PRORP: variants seen among roughly 807,000 people sequenced by gnomAD.
The protein encoded by PRORP is mitochondrial ribonuclease P catalytic subunit.
A neutral mutation model predicts 59.4 loss-of-function variants in PRORP; 51 were observed. That is an observed-to-expected ratio of 0.86 (90% CI 0.69 to 1.08). The LOEUF is 1.08. Among genes scored for constraint, PRORP ranks in the 50% least tolerant of loss-of-function variants. The pLI is 0.00. For missense variants in PRORP, 646 were observed against 690.3 expected (o/e 0.94, Z 0.72); for synonymous variants, 231 against 245.6 (o/e 0.94, Z 0.55).
intron 4 of PRORP, among the ~76,000 whole-genome samples, chr14:35,135,103 C>T (rs142759670): frequency 1.0e-3 from 157 of 152,308 alleles, no homozygotes; most frequent in East Asian, 1.3e-3. Flanking sequence ...AATTGCTGCA[C>T]TCTCCCTCTC....
intron 5 of PRORP, among the ~76,000 whole-genome samples, chr14:35,262,029 A>G (rs2050917548): frequency 6.6e-6 from 1 of 152,186 alleles, no homozygotes; most frequent in East Asian, 1.9e-4. Context: ...TTAATGTACT[A>G]TTAGTAAACT....
At chr14:35,160,322 C>G (rs1206722204) in intron 4 of PRORP, among the ~76,000 whole-genome samples, 1 of 152,204 alleles carries the variant, frequency 6.6e-6, no homozygotes, top group Non-Finnish European at 1.5e-5. Context: ...TTTCTGCTTT[C>G]CACTTGGATA....
intron 5 of PRORP, among the ~76,000 whole-genome samples, chr14:35,191,564 G>A (rs1239763863): frequency 6.6e-6 from 1 of 152,054 alleles, no homozygotes; most frequent in South Asian, 2.1e-4. Flanking sequence ...TTAGCTGGAT[G>A]TGATGGCATG....
chr14:35,142,068 A>G (rs1386217970), intron 4 of PRORP, among the ~76,000 whole-genome samples: 2 of 144,446 alleles, frequency 1.4e-5, no homozygotes, highest in East Asian at 4.7e-4. Context: ...TAGTGGAGAC[A>G]GGGTTTCACC....
chr14:35,162,085 T>G (rs1231233564), intron 4 of PRORP, among the ~76,000 whole-genome samples: 1 of 152,134 alleles, frequency 6.6e-6, no homozygotes, highest in African/African-American at 2.4e-5. Context: ...TCTTTCTAGC[T>G]GTATGGAATG....
intron 4 of PRORP, among the ~76,000 whole-genome samples, chr14:35,134,565 T>C (rs1478073891): frequency 2.0e-5 from 3 of 151,902 alleles, no homozygotes; most frequent in Non-Finnish European, 2.9e-5. Flanking sequence ...TGGCTCAGAG[T>C]GTGTCTAGAA....
At chr14:35,188,519 C>T (rs1411053850) in intron 5 of PRORP, among the ~76,000 whole-genome samples, 1 of 151,916 alleles carries the variant, frequency 6.6e-6, no homozygotes, top group Non-Finnish European at 1.5e-5. Flanking sequence ...ATACCAAATA[C>T]TAGATCTTTA....
chr14:35,162,225 A>G (rs186340243), intron 4 of PRORP, among the ~76,000 whole-genome samples: 3 of 152,264 alleles, frequency 2.0e-5, no homozygotes, highest in Admixed American at 6.5e-5. Context: ...TCCAAGATAG[A>G]TATAAGATAG....
chr14:35,164,335 C>T (rs532229488), intron 4 of PRORP, among the ~76,000 whole-genome samples: 16 of 152,334 alleles, frequency 1.1e-4, no homozygotes, highest in Non-Finnish European at 2.2e-4. Flanking sequence ...GACACATCCA[C>T]TCATATGTGC....
chr14:35,131,748 C>T (rs1379392896), intron 4 of PRORP, among the ~76,000 whole-genome samples: 5 of 151,612 alleles, frequency 3.3e-5, no homozygotes, highest in Admixed American at 2.6e-4. Context: ...AGGCTGATCT[C>T]GAACTCCTGA....
At chr14:35,206,654 C>A (rs923913753) in intron 5 of PRORP, among the ~76,000 whole-genome samples, 2 of 152,136 alleles carry the variant, frequency 1.3e-5, no homozygotes, top group African/African-American at 4.8e-5. Context: ...CATCATATAG[C>A]AGAAGGCAGG....
At chr14:35,237,720 G>A (rs1261721036) in intron 5 of PRORP, among the ~76,000 whole-genome samples, 7 of 152,134 alleles carry the variant, frequency 4.6e-5, no homozygotes, top group Admixed American at 6.6e-5. Flanking sequence ...GTACAGTGGT[G>A]CTATCTCGGC....
intron 5 of PRORP, among the ~76,000 whole-genome samples, chr14:35,240,386 C>T (rs1489309143): frequency 2.1e-5 from 3 of 144,782 alleles, no homozygotes; most frequent in African/African-American, 5.2e-5. Flanking sequence ...CATGTGTATG[C>T]ACACATGCAG....
At chr14:35,254,584 G>C (rs930631841) in intron 5 of PRORP, among the ~76,000 whole-genome samples, 1 of 152,090 alleles carries the variant, frequency 6.6e-6, no homozygotes, top group African/African-American at 2.4e-5. Context: ...TAGAGATGAG[G>C]TTTCTCCATG....
rs76953045 is a variant in PRORP, at chr14:35,204,286, G to A, written c.1275+23509G>A. Among the ~76,000 whole-genome samples, 295 of 152,222 alleles carry A rather than the reference G, an allele frequency of 1.9e-3. 1 individual carries two copies. Among genetic ancestry groups the A allele is most frequent in the Middle Eastern group, 3.4e-3 (1 of 292 alleles). ...AAAATTCTGCTTGAGAAAGAAAATA[G>A]GTCAATGAGACCACAAAACCTAACA... On this transcript the variant is annotated intron_variant, in intron 5 of 7. Transcript: ENST00000534898.
intron 5 of PRORP, among the ~76,000 whole-genome samples, chr14:35,210,067 A>G (rs887400390): frequency 1.3e-5 from 2 of 152,254 alleles, no homozygotes; most frequent in African/African-American, 4.8e-5. Context: ...AATTGTAAAA[A>G]TTAAAATTAA....
intron 4 of PRORP, among the ~76,000 whole-genome samples, chr14:35,175,158 T>G (rs2048415866): frequency 6.6e-6 from 1 of 152,086 alleles, no homozygotes; most frequent in South Asian, 2.1e-4. Flanking sequence ...GACATTTGGG[T>G]TGGTTCCAAG....
At chr14:35,136,904 A>G (rs2047388951) in intron 4 of PRORP, among the ~76,000 whole-genome samples, 1 of 145,860 alleles carries the variant, frequency 6.9e-6, no homozygotes, top group African/African-American at 2.4e-5. Context: ...AAGAAGTTTC[A>G]TATATTAGAT....
intron 4 of PRORP, among the ~76,000 whole-genome samples, chr14:35,163,156 T>C (rs1595219010): frequency 6.6e-6 from 1 of 152,260 alleles, no homozygotes; most frequent in East Asian, 1.9e-4. Flanking sequence ...TAATGCTCCC[T>C]GGGGCAAAAT....
Sources: gnomAD v4.1 joint callset for allele counts (sites outside exome capture counted in the v4.1 genomes callset) on GRCh38, gnomAD v4.1.1 for gene constraint, MANE v1.5 for transcripts, NCBI Gene and HGNC (gene_info 2026-07-23, HGNC 2026-07-21) for gene names.